UNC13C: variants seen among roughly 807,000 people sequenced by gnomAD.
UNC13C encodes unc-13 homolog C.
UNC13C carries 174 observed loss-of-function variants against 245.4 expected under a neutral mutation model. The observed-to-expected ratio is 0.71, with a 90% CI of 0.63 to 0.80. UNC13C has a LOEUF of 0.80. UNC13C is among the 30% of genes least tolerant of loss of function. UNC13C has a pLI of 0.00. For missense variants in UNC13C, 2,829 were observed against 2,602.9 expected (o/e 1.09, Z -1.89); for synonymous variants, 992 against 895.1 (o/e 1.11, Z -1.93).
chr15:54,252,030 T>C (rs2036164749), intron 8 of UNC13C, among the ~76,000 whole-genome samples: 1 of 152,212 alleles, frequency 6.6e-6, no homozygotes, highest in Non-Finnish European at 1.5e-5. Flanking sequence ...ATTGACTTGA[T>C]ATTACTCATT....
chr15:54,047,467 T>C (rs2141045521), intron 2 of UNC13C, among the ~76,000 whole-genome samples: 1 of 152,210 alleles, frequency 6.6e-6, no homozygotes, highest in South Asian at 2.1e-4. Context: ...TTCTATATGA[T>C]CTTGCCTATG....
intron 14 of UNC13C, 55 bp from the exon 15 acceptor site, chr15:54,331,988 G>C: frequency 2.6e-6 from 3 of 1,155,580 alleles, no homozygotes; most frequent in Non-Finnish European, 3.7e-6. Flanking sequence ...TTATTATGAG[G>C]TCTTTAGAGT....
intron 2 of UNC13C, chr15:54,050,317 A>C (rs2414274): frequency 0.19 from 112,676 of 579,928 alleles, 16,906 homozygotes; most frequent in East Asian, 0.39. Flanking sequence ...TATAAAGAAC[A>C]TTTTCTGAAT....
chr15:54,509,693 A>G (rs1894648871), intron 23 of UNC13C, among the ~76,000 whole-genome samples: 1 of 152,134 alleles, frequency 6.6e-6, no homozygotes, highest in South Asian at 2.1e-4. Context: ...TCCTTTTTTC[A>G]TTTACTATGA....
At chr15:53,849,494 T>C in the UNC13C span, among the ~76,000 whole-genome samples, 2 of 152,138 alleles carry the variant, frequency 1.3e-5, no homozygotes, top group Non-Finnish European at 2.9e-5. Context: ...TTCTACTTTT[T>C]AGAACAATAT....
chr15:54,557,638 AC>A (rs1291563630), intron 29 of UNC13C, among the ~76,000 whole-genome samples: 1 of 151,788 alleles, frequency 6.6e-6, no homozygotes, highest in Non-Finnish European at 1.5e-5. Context: ...ATGACCTTAG[AC>A]CAAAGGAGCA....
intron 4 of UNC13C, among the ~76,000 whole-genome samples, 199 bp from the exon 5 acceptor site, chr15:54,234,831 A>G (rs1774665331): frequency 6.6e-6 from 1 of 152,212 alleles, no homozygotes; most frequent in African/African-American, 2.4e-5. Flanking sequence ...ATGAGTCGTC[A>G]GCAAATGTGG....
At chr15:54,130,254 G>A (rs1333704754) in intron 2 of UNC13C, among the ~76,000 whole-genome samples, 1 of 143,824 alleles carries the variant, frequency 7.0e-6, no homozygotes, top group African/African-American at 2.5e-5. Context: ...TGTGGAATAT[G>A]TTGAGGCTTC....
At chr15:54,340,239 A>G (rs1018564213) in intron 17 of UNC13C, among the ~76,000 whole-genome samples, 3 of 152,088 alleles carry the variant, frequency 2.0e-5, no homozygotes, top group Non-Finnish European at 2.9e-5. Context: ...TGGGTTGTCT[A>G]TTTACTCTAC....
intron 18 of UNC13C, among the ~76,000 whole-genome samples, chr15:54,410,769 A>G (rs2040401210): frequency 6.6e-6 from 1 of 152,048 alleles, no homozygotes; most frequent in Admixed American, 6.6e-5. Flanking sequence ...GCCTTGTAGT[A>G]TAATTTGAAG....
chr15:54,113,786 A>G (rs755852295), intron 2 of UNC13C, among the ~76,000 whole-genome samples: 1 of 152,160 alleles, frequency 6.6e-6, no homozygotes, highest in Non-Finnish European at 1.5e-5. Context: ...AGATCGCACC[A>G]CTGCACTCCA....
chr15:53,897,207 A>G, the UNC13C span, among the ~76,000 whole-genome samples: 4 of 152,342 alleles, frequency 2.6e-5, no homozygotes, highest in African/African-American at 9.6e-5. Flanking sequence ...CTATATCCCT[A>G]GCACCTAGAA....
chr15:53,892,057 T>C, the UNC13C span, among the ~76,000 whole-genome samples: 1 of 152,058 alleles, frequency 6.6e-6, no homozygotes, highest in Non-Finnish European at 1.5e-5. Context: ...GCAAGAGCCT[T>C]ACACCACCAC....
At chr15:54,142,496 A>G (rs1033190042) in intron 2 of UNC13C, among the ~76,000 whole-genome samples, 3 of 152,202 alleles carry the variant, frequency 2.0e-5, no homozygotes, top group Non-Finnish European at 4.4e-5. Flanking sequence ...CGTAAACTCT[A>G]TGATATGAGA....
At chr15:54,172,705 TATATATA>T (rs1856362406) in intron 4 of UNC13C, among the ~76,000 whole-genome samples, 1 of 39,946 alleles carries the variant, frequency 2.5e-5, no homozygotes, top group African/African-American at 2.2e-4. Flanking sequence ...CACACACAGA[TATATATA>T]TATATATATA....
At chr15:54,317,249 A>G (rs1281112415) in intron 13 of UNC13C, among the ~76,000 whole-genome samples, 1 of 151,976 alleles carries the variant, frequency 6.6e-6, no homozygotes, top group African/African-American at 2.4e-5. Context: ...TGAATAACAT[A>G]TGTTAGCACT....
intron 1 of UNC13C, among the ~76,000 whole-genome samples, chr15:53,985,385 T>A (rs1423150406): frequency 6.6e-6 from 1 of 151,686 alleles, no homozygotes; most frequent in African/African-American, 2.4e-5. Flanking sequence ...TACTTTAAGT[T>A]TTAGGGCACA....
chr15:54,228,810 G>T (rs1189098475), intron 4 of UNC13C, among the ~76,000 whole-genome samples: 2 of 152,154 alleles, frequency 1.3e-5, no homozygotes, highest in Admixed American at 1.3e-4. Context: ...TGTGAGCTGT[G>T]CTGCCTGGGG....
chr15:54,552,473 TATAATATA>T (rs1896803424), intron 28 of UNC13C, among the ~76,000 whole-genome samples: 5 of 31,348 alleles, frequency 1.6e-4, no homozygotes, highest in African/African-American at 6.0e-4. Flanking sequence ...TATTACAATA[TATAATATA>T]ATTATATATT....
Sources: gnomAD v4.1 joint callset for allele counts (sites outside exome capture counted in the v4.1 genomes callset) on GRCh38, gnomAD v4.1.1 for gene constraint, MANE v1.5 for transcripts, NCBI Gene and HGNC (gene_info 2026-07-23, HGNC 2026-07-21) for gene names.